Variants in SH3BP5 observed in about 807,000 individuals in gnomAD.
SH3BP5 encodes the protein SH3 domain binding protein 5.
A neutral mutation model predicts 43.3 loss-of-function variants in SH3BP5; 22 were observed. The ratio of observed to expected loss-of-function variants is 0.51; its 90% CI spans 0.36 to 0.73. The LOEUF is 0.73. Among genes scored for constraint, SH3BP5 ranks in the 30% least tolerant of loss-of-function variants. The probability of loss-of-function intolerance (pLI) is 0.00; values close to 1 mark genes in which losing one functional copy is unlikely to be tolerated. For synonymous variants in SH3BP5, 255 were observed against 225.8 expected (o/e 1.13, Z -1.16); for missense variants, 529 against 586.9 (o/e 0.90, Z 1.02).
chr3:15,288,765 A>C (rs1356849641), intron 3 of SH3BP5, among the ~76,000 whole-genome samples: 1 of 152,214 alleles, frequency 6.6e-6, no homozygotes, highest in Non-Finnish European at 1.5e-5. Flanking sequence ...ACAAACAAAA[A>C]AAGGCTATTT....
At chr3:15,270,379 A>G (rs1696765156) in intron 3 of SH3BP5, among the ~76,000 whole-genome samples, 1 of 152,160 alleles carries the variant, frequency 6.6e-6, no homozygotes, top group Non-Finnish European at 1.5e-5. Context: ...CTAGATGCAG[A>G]GCTGTGCCAG....
At chr3:15,296,199 T>C (rs1014109501) in intron 3 of SH3BP5, among the ~76,000 whole-genome samples, 1 of 152,118 alleles carries the variant, frequency 6.6e-6, no homozygotes, top group Non-Finnish European at 1.5e-5. Flanking sequence ...TTCAAGAAGA[T>C]GGGGCTCCTG....
At chr3:15,309,246 A>G (rs895159245) in intron 2 of SH3BP5, among the ~76,000 whole-genome samples, 5 of 152,222 alleles carry the variant, frequency 3.3e-5, no homozygotes, top group Non-Finnish European at 5.9e-5. Context: ...AGGGGAGAAA[A>G]AAACAGGGGT....
chr3:15,279,196 G>T (rs1697053461), intron 3 of SH3BP5, among the ~76,000 whole-genome samples: 1 of 151,822 alleles, frequency 6.6e-6, no homozygotes. Flanking sequence ...CAAAAAAAAA[G>T]ATCTAAAAAT....
At chr3:15,294,691 A>C (rs1575320285) in intron 3 of SH3BP5, among the ~76,000 whole-genome samples, 1 of 152,124 alleles carries the variant, frequency 6.6e-6, no homozygotes, top group East Asian at 1.9e-4. Context: ...TGTGGCACCT[A>C]ATACATCATT....
chr3:15,265,512 T>TCACACACTCACACACACACACA (rs1553613880), intron 4 of SH3BP5, among the ~76,000 whole-genome samples: 1 of 107,934 alleles, frequency 9.3e-6, no homozygotes, highest in Non-Finnish European at 1.8e-5. Context: ...CGAGACTCCG[T>TCACACACTCACACACACACACA]CACACACACA....
chr3:15,263,858 G>A (rs544898111), intron 4 of SH3BP5, among the ~76,000 whole-genome samples: 7 of 152,280 alleles, frequency 4.6e-5, no homozygotes, highest in East Asian at 1.9e-4. Context: ...AAAATAAACC[G>A]GAGAGACAGT....
chr3:15,277,743 T>C (rs1052309268), intron 3 of SH3BP5, among the ~76,000 whole-genome samples: 4 of 152,096 alleles, frequency 2.6e-5, no homozygotes, highest in Admixed American at 1.3e-4. Flanking sequence ...CCTTTCTAAA[T>C]GTCTTAGTAC....
intron 2 of SH3BP5, among the ~76,000 whole-genome samples, chr3:15,311,085 G>C (rs773792694): frequency 6.6e-6 from 1 of 152,136 alleles, no homozygotes; most frequent in African/African-American, 2.4e-5. Flanking sequence ...AAGATGGGAT[G>C]GTGATGTTTT....
chr3:15,273,326 G>A (rs1696869981), intron 3 of SH3BP5: 2 of 985,322 alleles, frequency 2.0e-6, no homozygotes, highest in Non-Finnish European at 1.2e-6. Context: ...TCTGAAAGGT[G>A]GCTGCTGTAC....
chr3:15,293,571 T>C (rs1303976706), intron 3 of SH3BP5, among the ~76,000 whole-genome samples: 1 of 152,160 alleles, frequency 6.6e-6, no homozygotes, highest in African/African-American at 2.4e-5. Flanking sequence ...ACCAATGAGC[T>C]CAAAAACTGC....
chr3:15,334,101 G>C (rs1023286365), upstream of SH3BP5, among the ~76,000 whole-genome samples: 7 of 152,198 alleles, frequency 4.6e-5, no homozygotes, highest in African/African-American at 1.7e-4. Flanking sequence ...TCAGCTAGCA[G>C]AACCCTATCC....
rs1271583626 is a variant in SH3BP5, at chr3:15,257,097, AAAGGCCTCCGAGGCCACT to A, written c.890-2_905del. 1 of 1,613,952 alleles carries A rather than the reference AAAGGCCTCCGAGGCCACT, an allele frequency of 6.2e-7. No homozygotes were observed. Among genetic ancestry groups the A allele is most frequent in the African/African-American group, 1.3e-5 (1 of 74,930 alleles). ...CAAAGTTGCTACAGCTGTCATCTTC[AAAGGCCTCCGAGGCCACT>A]AAGTTGAGAGAGAACACCAGTCACA... On this transcript the variant is annotated splice_acceptor_variant and coding_sequence_variant, in exon 8 of 9. Transcript: ENST00000383791. LOFTEE classifies it high-confidence loss of function.
intron 2 of SH3BP5, among the ~76,000 whole-genome samples, chr3:15,313,203 TA>T (rs1211714084): frequency 1.3e-5 from 2 of 152,222 alleles, no homozygotes; most frequent in Admixed American, 1.3e-4. Context: ...AGAGGTTGCA[TA>T]AGCCGAGATC....
intron 4 of SH3BP5, among the ~76,000 whole-genome samples, chr3:15,262,965 A>G (rs946539778): frequency 6.6e-6 from 1 of 152,170 alleles, no homozygotes; most frequent in African/African-American, 2.4e-5. Flanking sequence ...CTCAAAATAT[A>G]TATGTATATA....
rs7611675 is a variant in SH3BP5, at chr3:15,321,129, G to A, written c.201+9375C>T. Among the ~76,000 whole-genome samples, 830 of 152,284 alleles carry A rather than the reference G, an allele frequency of 5.5e-3. 10 individuals carry two copies. Among genetic ancestry groups the A allele is most frequent in the Admixed American group, 0.011 (163 of 15,284 alleles). On this transcript the variant is annotated intron_variant, in intron 2 of 8. Coordinates refer to ENST00000383791, the MANE Select transcript of SH3BP5 (RefSeq NM_004844.5). Reference sequence around the variant, plus strand: ...TAATGTGGTTACCATGAATGAAGTTGTGCAAGAACCTATACGTGCCCACAT... The same window carrying A: ...TAATGTGGTTACCATGAATGAAGTTATGCAAGAACCTATACGTGCCCACAT...
chr3:15,262,682 G>A (rs1052281475), intron 4 of SH3BP5, among the ~76,000 whole-genome samples: 1 of 151,554 alleles, frequency 6.6e-6, no homozygotes, highest in Non-Finnish European at 1.5e-5. Flanking sequence ...TTTGGGCCAG[G>A]CACGGTGGCT....
intron 1 of SH3BP5, among the ~76,000 whole-genome samples, chr3:15,339,277 T>C (rs1469519620): frequency 6.6e-6 from 1 of 152,058 alleles, no homozygotes; most frequent in African/African-American, 2.4e-5. Context: ...TGAATTAAAC[T>C]TGTCTCTTGA....
intron 3 of SH3BP5, among the ~76,000 whole-genome samples, chr3:15,293,242 G>A (rs761522538): frequency 1.3e-5 from 2 of 152,248 alleles, no homozygotes; most frequent in Non-Finnish European, 2.9e-5. Context: ...CAGGAATGAC[G>A]CAGTTCCCAG....
Sources: gnomAD v4.1 joint callset for allele counts (sites outside exome capture counted in the v4.1 genomes callset) on GRCh38, gnomAD v4.1.1 for gene constraint, MANE v1.5 for transcripts, NCBI Gene and HGNC (gene_info 2026-07-23, HGNC 2026-07-21) for gene names.